CDH18: variants seen among roughly 807,000 people sequenced by gnomAD.
The protein encoded by CDH18 is cadherin 18.
In CDH18, 31 loss-of-function variants were observed where a neutral mutation model predicts 67.9. The observed-to-expected ratio is 0.46, with a 90% CI of 0.34 to 0.62. CDH18 has a LOEUF of 0.62. Among genes scored for constraint, CDH18 ranks in the 20% least tolerant of loss-of-function variants. CDH18 has a pLI of 0.01. For synonymous variants in CDH18, 362 were observed against 347.2 expected, an observed-to-expected ratio of 1.04 and a Z score of -0.48; for missense variants, 890 against 975.5, an observed-to-expected ratio of 0.91 and a Z score of 1.17.
chr5:19,975,543 C>T (rs1377887185), intron 2 of CDH18, among the ~76,000 whole-genome samples: 7 of 152,014 alleles, frequency 4.6e-5, no homozygotes, highest in East Asian at 1.9e-4. Context: ...TAATTAAACA[C>T]GATTTGATTT....
Position 20,240,809 on chromosome 5 carries a change from T to A in CDH18, c.-518+14635A>T, listed in dbSNP as rs1298399427. On this transcript the variant is annotated intron_variant, in intron 2 of 14. Transcript: ENST00000507958. ...TGTTTTATTCTCAAGTTCTGCTTTTTATTTTTGCTGCTTATTTGGGTGGGA... is the reference window on the plus strand; with the variant it reads ...TGTTTTATTCTCAAGTTCTGCTTTTAATTTTTGCTGCTTATTTGGGTGGGA... Among the ~76,000 whole-genome samples, 3 of 152,170 alleles carry A rather than the reference T, an allele frequency of 2.0e-5. No homozygotes were observed. In the East Asian group the frequency reaches 5.8e-4, roughly 29 times the overall value.
At chr5:20,544,970 A>G (rs1265175348) in intron 1 of CDH18, among the ~76,000 whole-genome samples, 3 of 152,192 alleles carry the variant, frequency 2.0e-5, no homozygotes, top group African/African-American at 7.2e-5. Context: ...CCAAGATACA[A>G]TGGTGGTAAA....
chr5:19,478,935 C>T (rs1251545503), intron 12 of CDH18, among the ~76,000 whole-genome samples: 1 of 152,194 alleles, frequency 6.6e-6, no homozygotes, highest in Non-Finnish European at 1.5e-5. Context: ...GTAACCTCAA[C>T]AGACAGTAAC....
intron 1 of CDH18, among the ~76,000 whole-genome samples, chr5:20,411,045 C>T (rs1746726968): frequency 6.6e-6 from 1 of 151,866 alleles, no homozygotes; most frequent in Non-Finnish European, 1.5e-5. Context: ...AATCAATCTA[C>T]AGATTTAATA....
At chr5:20,501,433 A>G (rs1450336045) in intron 1 of CDH18, among the ~76,000 whole-genome samples, 1 of 124,750 alleles carries the variant, frequency 8.0e-6, no homozygotes, top group Admixed American at 8.5e-5. Context: ...TTATATATAT[A>G]TTTTATATAC....
At chr5:19,566,047 T>TA (rs989349137) in intron 8 of CDH18, among the ~76,000 whole-genome samples, 13 of 151,858 alleles carry the variant, frequency 8.6e-5, no homozygotes, top group African/African-American at 2.7e-4. Context: ...ATAATCTGAA[T>TA]AAAAAATGGG....
intron 9 of CDH18, among the ~76,000 whole-genome samples, chr5:19,534,289 T>C (rs1219011962): frequency 1.3e-5 from 2 of 150,004 alleles, no homozygotes; most frequent in African/African-American, 4.8e-5. Flanking sequence ...GAAAGGAGAT[T>C]AATACATTAA....
intron 1 of CDH18, among the ~76,000 whole-genome samples, chr5:20,340,736 C>T (rs1032125236): frequency 1.3e-5 from 2 of 152,176 alleles, no homozygotes; most frequent in Non-Finnish European, 2.9e-5. Context: ...CTTCTGGACA[C>T]TGGAGTGAGC....
intron 9 of CDH18, among the ~76,000 whole-genome samples, chr5:19,542,974 A>G (rs1750513411): frequency 6.6e-6 from 1 of 152,086 alleles, no homozygotes; most frequent in Non-Finnish European, 1.5e-5. Context: ...TGAAAGAAAA[A>G]CAGAACGTGA....
chr5:19,483,689 C>A, intron 11 of CDH18, 137 bp from the exon 12 acceptor site: 1 of 845,378 alleles, frequency 1.2e-6, no homozygotes, highest in Non-Finnish European at 1.7e-6. Flanking sequence ...CACGAAGGGG[C>A]AATTATTAAA....
intron 1 of CDH18, among the ~76,000 whole-genome samples, chr5:20,363,477 C>CAAA (rs1187140017): frequency 0.01 from 1,053 of 101,160 alleles, 45 homozygotes; most frequent in African/African-American, 0.038. Flanking sequence ...GACTCCGTAT[C>CAAA]AAAAAAAAAA....
intron 1 of CDH18, among the ~76,000 whole-genome samples, chr5:20,381,647 C>G (rs746703233): frequency 9.2e-5 from 14 of 152,004 alleles, no homozygotes; most frequent in Admixed American, 9.2e-4. Flanking sequence ...ATGTCTGGGA[C>G]TTAATAAAAT....
At chr5:20,391,662 G>T (rs1178620112) in intron 1 of CDH18, among the ~76,000 whole-genome samples, 2 of 151,834 alleles carry the variant, frequency 1.3e-5, no homozygotes, top group Non-Finnish European at 2.9e-5. Context: ...CATTGACATT[G>T]TTTGCAGACA....
intron 11 of CDH18, among the ~76,000 whole-genome samples, chr5:19,500,619 A>G (rs541667007): frequency 1.3e-5 from 2 of 152,352 alleles, no homozygotes; most frequent in East Asian, 3.9e-4. Context: ...TATTCTAACA[A>G]AAATTTTAAA....
At chr5:19,795,365 A>T (rs919285565) in intron 3 of CDH18, among the ~76,000 whole-genome samples, 6 of 152,302 alleles carry the variant, frequency 3.9e-5, no homozygotes, top group African/African-American at 1.4e-4. Flanking sequence ...CTGTCTAAGT[A>T]CAGCAGGAAA....
intron 1 of CDH18, among the ~76,000 whole-genome samples, chr5:20,445,222 C>T (rs74359651): frequency 6.6e-6 from 1 of 152,124 alleles, no homozygotes; most frequent in Admixed American, 6.6e-5. Flanking sequence ...ATTAGAACAT[C>T]ATTTAGAGTT....
At chr5:20,271,232 A>G (rs1745412269) in intron 1 of CDH18, among the ~76,000 whole-genome samples, 1 of 152,158 alleles carries the variant, frequency 6.6e-6, no homozygotes, top group Non-Finnish European at 1.5e-5. Context: ...CTTCAAGGAG[A>G]TAACTATGGA....
chr5:20,074,813 C>T (rs1371523510), intron 2 of CDH18, among the ~76,000 whole-genome samples: 1 of 151,592 alleles, frequency 6.6e-6, no homozygotes, highest in Non-Finnish European at 1.5e-5. Context: ...ATTCTGAAGG[C>T]TAGAGTTCTT....
chr5:20,443,207 C>CTCAAAAAAAAAAAAAAAAAA (rs1491460573), intron 1 of CDH18, among the ~76,000 whole-genome samples: 4 of 25,382 alleles, frequency 1.6e-4, no homozygotes, highest in Admixed American at 7.0e-4. Context: ...GAGACTCCGT[C>CTCAAAAAAAAAAAAAAAAAA]ACAAAAAAAA....
Sources: allele counts gnomAD v4.1 joint callset (sites outside exome capture counted in the v4.1 genomes callset), GRCh38; gene constraint gnomAD v4.1.1; transcripts MANE v1.5; gene names NCBI Gene and HGNC (gene_info 2026-07-23, HGNC 2026-07-21).